The following CACNA1C variants were observed in gnomAD, a reference collection of about 807,000 sequenced individuals.
CACNA1C encodes voltage-dependent L-type calcium channel subunit alpha-1C.
CACNA1C carries 30 observed loss-of-function variants against 229.0 expected under a neutral mutation model. That is an observed-to-expected ratio of 0.13 (90% confidence interval 0.10 to 0.18). CACNA1C has a LOEUF of 0.18. Among genes scored for constraint, CACNA1C ranks in the 10% least tolerant of loss-of-function variants. CACNA1C has a pLI of 1.00. For synonymous variants in CACNA1C, 1,114 were observed against 1,132.5 expected (o/e 0.98, Z 0.33); for missense variants, 1,658 against 2,845.0 (o/e 0.58, Z 9.49).
At chr12:2,360,694 G>A (rs2097536252) in intron 3 of CACNA1C, among the ~76,000 whole-genome samples, 2 of 152,214 alleles carry the variant, frequency 1.3e-5, no homozygotes, top group South Asian at 4.1e-4. Context: ...TCTGGAAAAG[G>A]AGACACCCGG....
intron 3 of CACNA1C, among the ~76,000 whole-genome samples, chr12:2,431,223 C>T (rs1326863268): frequency 6.6e-6 from 1 of 152,128 alleles, no homozygotes; most frequent in Non-Finnish European, 1.5e-5. Context: ...GGAGTGGGGG[C>T]CAGGAGGCTG....
At position 2,341,823 on chromosome 12, in the gene CACNA1C, G is replaced by A. The variant is rs145174920; in HGVS notation, c.478-107153G>A. Among the ~76,000 whole-genome samples, 101 of 152,308 alleles carry A rather than the reference G, an allele frequency of 6.6e-4. No homozygotes were observed. The East Asian group carries it at 0.014, about 21-fold the overall frequency. On this transcript the variant is annotated intron_variant, in intron 3 of 46. Transcript: ENST00000399655. The stretch of plus-strand genomic sequence containing the variant: ...GCAAGGAAGTGATTTCAATGGGTCA[G>A]CCTCTCTGGCCCTGGCTGTGATGAT...
intron 1 of CACNA1C, among the ~76,000 whole-genome samples, chr12:2,095,872 T>A (rs1308963603): frequency 6.6e-6 from 1 of 152,208 alleles, no homozygotes; most frequent in Non-Finnish European, 1.5e-5. Flanking sequence ...TGTGTGCTTC[T>A]CTCTGCCTTG....
intron 3 of CACNA1C, among the ~76,000 whole-genome samples, chr12:2,187,980 C>A (rs1331616468): frequency 6.6e-6 from 1 of 152,236 alleles, no homozygotes; most frequent in Admixed American, 6.5e-5. Context: ...TGGGAGCTGC[C>A]TTTCCCCGAA....
At chr12:2,542,208 T>G (rs1490007072) in intron 9 of CACNA1C, among the ~76,000 whole-genome samples, 2 of 152,238 alleles carry the variant, frequency 1.3e-5, no homozygotes, top group East Asian at 3.8e-4. Flanking sequence ...CTGGAGTCAT[T>G]TTTTATTCAT....
At chr12:2,042,432 G>A (rs1161770269) in intron 1 of CACNA1C, among the ~76,000 whole-genome samples, 1 of 152,120 alleles carries the variant, frequency 6.6e-6, no homozygotes, top group African/African-American at 2.4e-5. Context: ...TTTACATTAT[G>A]AGCTTTTCGA....
intron 3 of CACNA1C, among the ~76,000 whole-genome samples, chr12:2,245,127 G>GCGCTGAT (rs2072519844): frequency 6.6e-6 from 1 of 152,202 alleles, no homozygotes; most frequent in African/African-American, 2.4e-5. Flanking sequence ...TGGAGGGGCC[G>GCGCTGAT]CGCTGATCGT....
In CACNA1C at chr12:2,553,233, T is replaced by TG. The variant is rs1283800966; in HGVS notation, c.1481+3206dup. Among the ~76,000 whole-genome samples, 6 of 151,804 alleles carry TG rather than the reference T, an allele frequency of 4.0e-5. No individual in the cohort carries two copies. The South Asian group carries it at 1.0e-3, about 26-fold the overall frequency. On this transcript the variant is annotated intron_variant, in intron 10 of 46. Coordinates refer to ENST00000399655, the MANE Select transcript of CACNA1C (RefSeq NM_000719.7). ...ACTGACATCTCTGCAGAGGCTGGGG[T>TG]GGGGGGCGGAAACCACCTGCAGCGG...
intron 3 of CACNA1C, among the ~76,000 whole-genome samples, chr12:2,129,561 T>C (rs1055668187): frequency 6.6e-6 from 1 of 152,230 alleles, no homozygotes; most frequent in Non-Finnish European, 1.5e-5. Context: ...ACCAAACTTC[T>C]TGTAATTTAA....
intron 1 of CACNA1C, among the ~76,000 whole-genome samples, chr12:2,106,940 C>T (rs866805858): frequency 0.036 from 1,752 of 49,058 alleles, 656 homozygotes; most frequent in Non-Finnish European, 0.052. Context: ...TCAGCTGGGG[C>T]GTCCTGAAGC....
intron 3 of CACNA1C, among the ~76,000 whole-genome samples, chr12:2,154,020 GA>G (rs140275582): frequency 0.04 from 6,107 of 152,094 alleles, 178 homozygotes; most frequent in South Asian, 0.069. Flanking sequence ...TAAAATTCAA[GA>G]AAAAAATCAG....
rs1362016051 is a variant in CACNA1C at position 2,275,294 on chromosome 12, C to T, written c.477+154864C>T. The stretch of plus-strand genomic sequence containing the variant: ...CATGTCAGGCTCTGTGTGGCAAGGG[C>T]GAGGGAGAGGCATGACTATGTGTCT... On this transcript the variant is annotated intron_variant, in intron 3 of 46. Transcript: ENST00000399655. This position sits in a 1 kb window ranked among gnomAD's most constrained non-coding sequence, Gnocchi z 4.1. 1.3e-5 allele frequency among the ~76,000 whole-genome samples: 2 copies of T among 152,110 alleles called. No homozygotes were observed. Among genetic ancestry groups the T allele is most frequent in the South Asian group, 4.2e-4 (2 of 4,816 alleles).
chr12:2,224,380 A>G (rs1334925295), intron 3 of CACNA1C, among the ~76,000 whole-genome samples: 1 of 152,192 alleles, frequency 6.6e-6, no homozygotes, highest in African/African-American at 2.4e-5. Flanking sequence ...CCCCTGGCGG[A>G]GCCTCTGATC....
At chr12:2,301,257 T>C (rs1434870836) in intron 3 of CACNA1C, among the ~76,000 whole-genome samples, 1 of 152,156 alleles carries the variant, frequency 6.6e-6, no homozygotes, top group Non-Finnish European at 1.5e-5. Flanking sequence ...TTAGAGGGTA[T>C]CGGTAGAACC....
chr12:2,081,315 A>G (rs1369899570), intron 1 of CACNA1C, among the ~76,000 whole-genome samples: 1 of 151,818 alleles, frequency 6.6e-6, no homozygotes, highest in Non-Finnish European at 1.5e-5. Context: ...TCACGCCTGT[A>G]ATCCCAACAC....
intron 34 of CACNA1C, chr12:2,660,500 G>A (rs112721967): frequency 0.018 from 2,734 of 152,814 alleles, 89 homozygotes; most frequent in African/African-American, 0.061. Flanking sequence ...AAATGCTGAC[G>A]TATTGCTCTG....
At chr12:2,325,379 G>A (rs2887749) in intron 3 of CACNA1C, among the ~76,000 whole-genome samples, 4,824 of 152,330 alleles carry the variant, frequency 0.032, 172 homozygotes, top group African/African-American at 0.082. Context: ...TTTCACAGAG[G>A]CAACGTGTTT....
intron 22 of CACNA1C, chr12:2,603,298 C>T (rs1245466999): frequency 2.6e-5 from 4 of 152,298 alleles, no homozygotes; most frequent in African/African-American, 9.6e-5. Flanking sequence ...GTAGGAGAGA[C>T]ACAGTGATAG....
Position 2,691,053 on chromosome 12 carries a change from A to C in CACNA1C, c.6271A>C (p.Asn2091His). Residue 2091 changes from asparagine (N) to histidine (H), a missense_variant, in exon 47 of 47, where the codon AAT becomes CAT. This residue lies in a region of CACNA1C where 590 missense variants were observed against 700.8 expected (regional missense o/e 0.84). Coordinates refer to ENST00000399655, the MANE Select transcript of CACNA1C (RefSeq NM_000719.7). ...ILSGGAPQSP[N>H]GALLPFVNCR... ...CAGCGGGGGCGCCCCACAGAGCCCC[A>C]ATGGCGCCCTCTTACCCTTTGTGAA... The C allele has an allele frequency of 6.2e-7, 1 of 1,607,062 alleles. No individual in the cohort carries two copies. The highest frequency in any genetic ancestry group is 1.1e-5 in the South Asian group (1 of 89,756).
Sources: allele counts gnomAD v4.1 joint callset (sites outside exome capture counted in the v4.1 genomes callset), GRCh38; gene constraint gnomAD v4.1.1; regional missense constraint gnomAD v4.1.1; non-coding constraint Gnocchi (gnomAD v3.1); transcripts MANE v1.5; gene names NCBI Gene and HGNC (gene_info 2026-07-23, HGNC 2026-07-21).